The following ZNF175 variants were observed in gnomAD, a reference collection of about 807,000 sequenced individuals.
ZNF175 encodes zinc finger protein OTK18.
A neutral mutation model predicts 14.0 loss-of-function variants in ZNF175; 8 were observed. The ratio of observed to expected loss-of-function variants is 0.57; its 90% CI spans 0.34 to 1.03. The LOEUF is 1.03. Ranked by LOEUF, ZNF175 falls within the 50% of genes least tolerant of loss-of-function variation. The pLI, the probability that ZNF175 is intolerant of heterozygous loss-of-function variation, is 0.03. For missense variants in ZNF175, 764 were observed against 849.5 expected (o/e 0.90, Z 1.25); for synonymous variants, 255 against 296.8 (o/e 0.86, Z 1.45).
intron 2 of ZNF175, chr19:51,573,776 A>G (rs1568572171): frequency 2.9e-6 from 1 of 350,582 alleles, no homozygotes; most frequent in Non-Finnish European, 5.0e-6. Flanking sequence ...TGCTTGGTCC[A>G]TGGGGTTTGG....
At chr19:51,583,972 A>G (rs1982092280) in intron 4 of ZNF175, among the ~76,000 whole-genome samples, 1 of 152,254 alleles carries the variant, frequency 6.6e-6, no homozygotes, top group East Asian at 1.9e-4. Context: ...TTTAGGATAC[A>G]GAAATTACTG....
Position 51,578,315 on chromosome 19 carries a change from G to A in ZNF175, c.73-3076G>A, listed in dbSNP as rs182611195. ...CTTGGGAGGCTGAGGCAGGAGAATCGCCTGAACCCGGGAGGTGGAGGTTGC... is the reference window on the plus strand; with the variant it reads ...CTTGGGAGGCTGAGGCAGGAGAATCACCTGAACCCGGGAGGTGGAGGTTGC... On this transcript the variant is annotated intron_variant, in intron 2 of 4. Transcript: ENST00000262259. 6.1e-4 allele frequency among the ~76,000 whole-genome samples: 92 copies of A among 152,032 alleles called. 1 individual carries two copies. The South Asian group carries it at 6.5e-3, about 11-fold the overall frequency.
Position 51,581,317 on chromosome 19 carries a change from G to A in ZNF175, c.73-74G>A, listed in dbSNP as rs547564180. 1.6e-4 allele frequency: 254 copies of A among 1,608,592 alleles called. 3 individuals carry two copies. The South Asian group carries it at 2.6e-3, about 16-fold the overall frequency. On this transcript the variant is annotated intron_variant, in intron 2 of 4. Transcript: ENST00000262259. Reference sequence around the variant, plus strand: ...TCGTGGTGAAAATCATTAAAAGCATGTTCCTCCTATATGTGCCATCCCCAC... The same window carrying A: ...TCGTGGTGAAAATCATTAAAAGCATATTCCTCCTATATGTGCCATCCCCAC...
At position 51,587,168 on chromosome 19, in the gene ZNF175, T is replaced by G; in HGVS notation, c.837T>G (p.Asp279Glu). The stretch of plus-strand genomic sequence containing the variant: ...AAATTCATACTCAGAAGAAACCAGA[T>G]GGATGTTCTGAATGTGGGGGGAGCT... The part of the protein sequence containing the change: ...QHQIHTQKKP[D>E]GCSECGGSFT... Residue 279 changes from aspartate to glutamate, a missense_variant, in exon 5 of 5, where the codon GAT becomes GAG. Coordinates refer to ENST00000262259, the MANE Select transcript of ZNF175 (RefSeq NM_007147.4). 1 of 1,614,188 alleles carries G rather than the reference T, an allele frequency of 6.2e-7. No individual in the cohort carries two copies. Among genetic ancestry groups the G allele is most frequent in the Non-Finnish European group, 8.5e-7 (1 of 1,180,014 alleles).
intron 4 of ZNF175, among the ~76,000 whole-genome samples, 162 bp downstream of exon 4, chr19:51,582,044 G>A (rs1346523338): frequency 3.9e-5 from 6 of 152,108 alleles, no homozygotes; most frequent in African/African-American, 1.4e-4. Context: ...AATGTTAAAT[G>A]TCCTATAGGG....
At chr19:51,585,115 T>G (rs1429030520) in intron 4 of ZNF175, among the ~76,000 whole-genome samples, 1 of 152,208 alleles carries the variant, frequency 6.6e-6, no homozygotes, top group Non-Finnish European at 1.5e-5. Context: ...ATGTGGTCTA[T>G]ACATACAATG....
At chr19:51,581,209 G>C (rs1434486727) in intron 2 of ZNF175, among the ~76,000 whole-genome samples, 182 bp from the exon 3 acceptor site, 1 of 152,100 alleles carries the variant, frequency 6.6e-6, no homozygotes, top group Non-Finnish European at 1.5e-5. Context: ...TAGGTGTACA[G>C]TGGATGGAGG....
In ZNF175 at chr19:51,588,706, T is replaced by C; in HGVS notation, c.*239T>C. On this transcript the variant is annotated 3_prime_UTR_variant, in exon 5 of 5. Coordinates refer to ENST00000262259, the MANE Select transcript of ZNF175 (RefSeq NM_007147.4). Reference sequence around the variant, plus strand: ...TCTGAGTACTGGCCTCATTAAGGATTATAAATTTTCTCCCCGGGAAGAAAC... The same window carrying C: ...TCTGAGTACTGGCCTCATTAAGGATCATAAATTTTCTCCCCGGGAAGAAAC... The C allele has an allele frequency of 2.2e-6, 1 of 450,630 alleles. No homozygotes were observed. The highest frequency in any genetic ancestry group is 3.8e-6 in the Non-Finnish European group (1 of 263,008). The allele number at this position is 450,630 out of a possible 1,614,324, so 27.9% of individuals were successfully genotyped here.
At position 51,591,175 on chromosome 19, in the gene ZNF175, G is replaced by A. The variant is rs1362853673; in HGVS notation, c.*2708G>A. On this transcript the variant is annotated 3_prime_UTR_variant, in exon 5 of 5. Coordinates refer to ENST00000262259, the MANE Select transcript of ZNF175 (RefSeq NM_007147.4). ...CTCGTGCCACTTCCGGGGCCTGTTGGCTTTAACAACTTAGTTTCCTCCCTA... is the reference window on the plus strand; with the variant it reads ...CTCGTGCCACTTCCGGGGCCTGTTGACTTTAACAACTTAGTTTCCTCCCTA... 6.6e-6 allele frequency: 1 copy of A among 152,436 alleles called. No homozygotes were observed. The highest frequency in any genetic ancestry group is 1.5e-5 in the Non-Finnish European group (1 of 68,222). The allele number at this position is 152,436 out of a possible 1,614,324, so 9.4% of individuals were successfully genotyped here.
rs1321551016 is a variant in ZNF175 at position 51,581,846 on chromosome 19, G to A, written c.259G>A (p.Val87Met). Reference protein sequence around the residue: ...FRMLKEKEPRVEEAEVSHQRC... With the variant: ...FRMLKEKEPRMEEAEVSHQRC... ...AATGCTAAAAGAAAAGGAGCCGCGTGTGGAGGAGGCTGAAGTCTCACATCA... is the reference window on the plus strand; with the variant it reads ...AATGCTAAAAGAAAAGGAGCCGCGTATGGAGGAGGCTGAAGTCTCACATCA... Residue 87 changes from valine to methionine, a missense_variant, in exon 4 of 5, where the codon GTG (valine) becomes ATG (methionine). Physicochemically the swap from Val to Met is conservative, Grantham distance 21 (BLOSUM62 1). Coordinates refer to ENST00000262259, the MANE Select transcript of ZNF175 (RefSeq NM_007147.4). 1 of 1,613,960 alleles carries A rather than the reference G, an allele frequency of 6.2e-7. No individual in the cohort carries two copies. Among genetic ancestry groups the A allele is most frequent in the Admixed American group, 1.7e-5 (1 of 59,996 alleles).
Position 51,592,015 on chromosome 19 carries a change from C to G in ZNF175, c.*3548C>G, listed in dbSNP as rs141483373. On this transcript the variant is annotated 3_prime_UTR_variant, in exon 5 of 5. Coordinates refer to ENST00000262259, the MANE Select transcript of ZNF175 (RefSeq NM_007147.4). ...GATCTCCTGACCTCGTGATCCCCCC[C>G]CCTCGGCCTCCCAAAGTGCCCATGA... The G allele has an allele frequency of 0.026, 3,886 of 152,244 alleles. 67 individuals carry two copies. Among genetic ancestry groups the G allele is most frequent in the Middle Eastern group, 0.051 (15 of 292 alleles). The allele number at this position is 152,244 out of a possible 1,614,324, so 9.4% of individuals were successfully genotyped here. A position where few individuals can be genotyped will look rare whatever the true frequency, so the allele number is the denominator to read the frequency against.
rs932228859 is a variant in ZNF175, at chr19:51,591,837, C to T, written c.*3370C>T. On this transcript the variant is annotated 3_prime_UTR_variant, in exon 5 of 5. Transcript: ENST00000262259. ...GCTCTGGAGTGCAGTGGCACGATCT[C>T]AGCTCACTGCAAGCTCCGCCTCCCG... The T allele has an allele frequency of 2.0e-5, 3 of 150,736 alleles. No individual in the cohort carries two copies. Among genetic ancestry groups the T allele is most frequent in the Non-Finnish European group, 2.9e-5 (2 of 67,842 alleles). The allele number at this position is 150,736 out of a possible 1,614,324, so 9.3% of individuals were successfully genotyped here.
chr19:51,580,581 C>T (rs1981963067), intron 2 of ZNF175, among the ~76,000 whole-genome samples: 1 of 152,136 alleles, frequency 6.6e-6, no homozygotes, highest in Non-Finnish European at 1.5e-5. Flanking sequence ...ATTATATGAT[C>T]ATATCTCTTC....
rs1982234183 is a variant in ZNF175 at position 51,588,127 on chromosome 19, G to A, written c.1796G>A (p.Arg599Lys). The A allele has an allele frequency of 6.2e-7, 1 of 1,614,142 alleles. No individual in the cohort carries two copies. The highest frequency in any genetic ancestry group is 8.5e-7 in the Non-Finnish European group (1 of 1,180,020). The change falls in exon 5 of 5, where the codon AGG becomes AAG. Residue 599 changes from arginine (R) to lysine (K), a missense_variant. Coordinates refer to ENST00000262259, the MANE Select transcript of ZNF175 (RefSeq NM_007147.4). ...GAATGTGGGAAGGCCTTCAACGGCA[G>A]GTCAAATTTCCATAAACATCAAATA... Reference protein sequence around the residue: ...CTECGKAFNGRSNFHKHQITH... With the variant: ...CTECGKAFNGKSNFHKHQITH...
intron 2 of ZNF175, among the ~76,000 whole-genome samples, chr19:51,577,022 A>G (rs937318953): frequency 1.3e-5 from 2 of 152,174 alleles, no homozygotes; most frequent in African/African-American, 4.8e-5. Flanking sequence ...ATCCTGGGTG[A>G]CAGAGTGACA....
intron 2 of ZNF175, among the ~76,000 whole-genome samples, chr19:51,575,361 C>T (rs1021228016): frequency 6.6e-6 from 1 of 151,802 alleles, no homozygotes; most frequent in Non-Finnish European, 1.5e-5. Context: ...GGAGTACAGG[C>T]GCCTGACAGC....
chr19:51,576,688 TCTC>T (rs1433234449), intron 2 of ZNF175, among the ~76,000 whole-genome samples: 2 of 152,198 alleles, frequency 1.3e-5, no homozygotes, highest in Non-Finnish European at 2.9e-5. Flanking sequence ...ACCTGGCTGT[TCTC>T]CTGGCGCCTC....
At chr19:51,578,199 C>G (rs145492354) in intron 2 of ZNF175, among the ~76,000 whole-genome samples, 5,657 of 149,626 alleles carry the variant, frequency 0.038, 158 homozygotes, top group Middle Eastern at 0.073. Context: ...GAGTTTGAGA[C>G]CAGCCTGGCC....
At chr19:51,586,571 A>G in intron 4 of ZNF175, 56 bp from the exon 5 acceptor site, 1 of 1,510,156 alleles carries the variant, frequency 6.6e-7, no homozygotes, top group East Asian at 2.3e-5. Flanking sequence ...AGCTTCATGC[A>G]GTTTCTCCTC....
Sources: allele counts gnomAD v4.1 joint callset (sites outside exome capture counted in the v4.1 genomes callset), GRCh38; gene constraint gnomAD v4.1.1; transcripts MANE v1.5; gene names NCBI Gene and HGNC (gene_info 2026-07-23, HGNC 2026-07-21).